Variants in MTRES1 observed in about 807,000 individuals in gnomAD.
The protein encoded by MTRES1 is mitochondrial transcription rescue factor 1.
A neutral mutation model predicts 17.4 loss-of-function variants in MTRES1; 11 were observed. That is an observed-to-expected ratio of 0.63 (90% CI 0.40 to 1.05). The LOEUF (loss-of-function observed/expected upper bound fraction) is 1.05, where lower values mean the gene tolerates loss of function less well. Among genes scored for constraint, MTRES1 ranks in the 50% least tolerant of loss-of-function variants. MTRES1 has a pLI of 0.00. For missense variants in MTRES1, 268 were observed against 276.2 expected (o/e 0.97, Z 0.21); for synonymous variants, 94 against 99.6 (o/e 0.94, Z 0.34).
At chr6:107,041,196 G>A (rs1483691460) in intron 2 of MTRES1, among the ~76,000 whole-genome samples, 1 of 145,684 alleles carries the variant, frequency 6.9e-6, no homozygotes, top group Admixed American at 7.1e-5. Context: ...TTGCACTCCA[G>A]CCTGGGCGAC....
intron 3 of MTRES1, 68 bp downstream of exon 3, chr6:107,044,400 G>C (rs1774323984): frequency 1.5e-6 from 2 of 1,299,076 alleles, no homozygotes; most frequent in Non-Finnish European, 2.2e-6. Context: ...CTCAATTAAT[G>C]CTGTCCCAAA....
intron 1 of MTRES1, among the ~76,000 whole-genome samples, chr6:107,038,678 C>A (rs544188575): frequency 1.9e-4 from 29 of 152,328 alleles, no homozygotes; most frequent in African/African-American, 6.5e-4. Flanking sequence ...AAGTCATGAT[C>A]TGGTGTCCTT....
chr6:107,039,257 C>G lies in MTRES1; in HGVS notation c.-12-492C>G, dbSNP rs1774106850. ...AGTTGCAGCTAGAAGATTCACTGTGCTGTGGTATATGGCCCTTAGTACATG... is the reference window on the plus strand; with the variant it reads ...AGTTGCAGCTAGAAGATTCACTGTGGTGTGGTATATGGCCCTTAGTACATG... On this transcript the variant is annotated intron_variant, in intron 1 of 3. Coordinates refer to ENST00000311381, the MANE Select transcript of MTRES1 (RefSeq NM_016487.5). Among the ~76,000 whole-genome samples the G allele has an allele frequency of 2.0e-5, 3 of 152,062 alleles. No homozygotes were observed. The South Asian group carries it at 6.2e-4, about 32-fold the overall frequency.
chr6:107,042,357 A>AAAG (rs1554227872), intron 2 of MTRES1, among the ~76,000 whole-genome samples: 3 of 146,790 alleles, frequency 2.0e-5, no homozygotes, highest in African/African-American at 5.3e-5. Context: ...AAAAAAAAAA[A>AAAG]GGTTCATAAA....
intron 3 of MTRES1, 128 bp downstream of exon 3, chr6:107,044,460 C>T (rs782335083): frequency 2.1e-5 from 15 of 704,964 alleles, no homozygotes; most frequent in African/African-American, 5.4e-5. Flanking sequence ...TGGTCCTCCA[C>T]GTCAAGCTGG....
chr6:107,044,124 AAAAC>A (rs370966814), intron 2 of MTRES1, 132 bp from the exon 3 acceptor site: 61 of 621,950 alleles, frequency 9.8e-5, no homozygotes, highest in African/African-American at 2.1e-4. Flanking sequence ...TTTGTCTCAA[AAAAC>A]AAACAAAAAA....
Position 107,030,540 on chromosome 6 carries a change from A to C in MTRES1, c.-13+2269A>C, listed in dbSNP as rs2114935952. Among the ~76,000 whole-genome samples, 2 of 152,374 alleles carry C rather than the reference A, an allele frequency of 1.3e-5. 1 individual carries two copies. The highest frequency in any genetic ancestry group is 6.8e-3 in the Middle Eastern group (2 of 294). On this transcript the variant is annotated intron_variant, in intron 1 of 3. Transcript: ENST00000311381. ...CTAAGAGTCCTCTCCTAGTGGAGTC[A>C]CATGGGGTATGCTTAATTCTTGCAG...
chr6:107,033,879 G>A (rs1773923976), intron 1 of MTRES1, among the ~76,000 whole-genome samples: 2 of 152,144 alleles, frequency 1.3e-5, no homozygotes, highest in African/African-American at 2.4e-5. Flanking sequence ...TTGTGACCCT[G>A]AGTGCCCACT....
At chr6:107,041,398 A>G (rs1562281960) in intron 2 of MTRES1, among the ~76,000 whole-genome samples, 1 of 152,174 alleles carries the variant, frequency 6.6e-6, no homozygotes, top group African/African-American at 2.4e-5. Flanking sequence ...TTGAGTGACT[A>G]TATATTTATG....
intron 1 of MTRES1, among the ~76,000 whole-genome samples, chr6:107,036,054 A>G (rs1166077408): frequency 5.9e-5 from 9 of 152,174 alleles, no homozygotes; most frequent in Middle Eastern, 3.4e-3. Flanking sequence ...GGTATACTCA[A>G]CCTTTCCTAG....
chr6:107,029,992 T>G (rs1773781283), intron 1 of MTRES1: 1 of 362,766 alleles, frequency 2.8e-6, no homozygotes, highest in Admixed American at 4.7e-5. Context: ...TTACAGGGTG[T>G]TTTTTTTTTT....
intron 1 of MTRES1, among the ~76,000 whole-genome samples, chr6:107,031,154 CG>C (rs1470406274): frequency 6.6e-6 from 1 of 151,704 alleles, no homozygotes; most frequent in Non-Finnish European, 1.5e-5. Context: ...CTGAGGTGGG[CG>C]GGTCACTTGA....
intron 3 of MTRES1, among the ~76,000 whole-genome samples, chr6:107,047,653 G>C (rs1774437197): frequency 6.6e-6 from 1 of 152,112 alleles, no homozygotes; most frequent in South Asian, 2.1e-4. Context: ...GGGAGGTCAA[G>C]GCAGGTGGAA....
chr6:107,030,135 CAGTGTTG>C, intron 1 of MTRES1: 3 of 718,410 alleles, frequency 4.2e-6, no homozygotes, highest in Non-Finnish European at 7.8e-6. Flanking sequence ...GGGAGGATGC[CAGTGTTG>C]CTGAAGCTGA....
intron 1 of MTRES1, chr6:107,028,646 C>G (rs1773719077): frequency 6.6e-6 from 1 of 152,406 alleles, no homozygotes; most frequent in South Asian, 2.1e-4. Flanking sequence ...AGGGAAGGAT[C>G]TTTAGCTGCA....
At position 107,044,391 on chromosome 6, in the gene MTRES1, T is replaced by C. The variant is rs1774323592; in HGVS notation, c.543+59T>C. The C allele has an allele frequency of 1.2e-5, 17 of 1,370,698 alleles. No individual in the cohort carries two copies. In the South Asian group the frequency reaches 2.0e-4, roughly 16 times the overall value. The allele number at this position is 1,370,698 out of a possible 1,614,324, so 84.9% of individuals were successfully genotyped here. A position where few individuals can be genotyped will look rare whatever the true frequency, so the allele number is the denominator to read the frequency against. Reference sequence around the variant, plus strand: ...TTTCGTCTCTTACTCTGCTAGTAACTCAATTAATGCTGTCCCAAATTTTCC... The same window carrying C: ...TTTCGTCTCTTACTCTGCTAGTAACCCAATTAATGCTGTCCCAAATTTTCC... On this transcript the variant is annotated intron_variant, in intron 3 of 3. Transcript: ENST00000311381.
Position 107,044,240 on chromosome 6 carries a change from T to C in MTRES1, c.471-20T>C. 1 of 1,607,094 alleles carries C rather than the reference T, an allele frequency of 6.2e-7. No homozygotes were observed. The highest frequency in any genetic ancestry group is 1.1e-5 in the South Asian group (1 of 90,906). The stretch of plus-strand genomic sequence containing the variant: ...CCATCACCCAAATTGTGTACATTGT[T>C]GCTTTTTTTTGTTTTGTAGCAAAGT... On this transcript the variant is annotated intron_variant, in intron 2 of 3. Transcript: ENST00000311381.
At chr6:107,032,893 C>T (rs1773890781) in intron 1 of MTRES1, among the ~76,000 whole-genome samples, 1 of 152,182 alleles carries the variant, frequency 6.6e-6, no homozygotes, top group Admixed American at 6.6e-5. Context: ...CATCCTTGCT[C>T]TGCGCTCCAG....
At chr6:107,034,817 G>A (rs889003569) in intron 1 of MTRES1, among the ~76,000 whole-genome samples, 12 of 152,054 alleles carry the variant, frequency 7.9e-5, no homozygotes, top group Admixed American at 2.0e-4. Context: ...GAGAAACCCC[G>A]TCTCTACTAA....
Sources: gnomAD v4.1 joint callset for allele counts (sites outside exome capture counted in the v4.1 genomes callset) on GRCh38, gnomAD v4.1.1 for gene constraint, MANE v1.5 for transcripts, NCBI Gene and HGNC (gene_info 2026-07-23, HGNC 2026-07-21) for gene names.